Variants in ARHGAP19 observed in about 807,000 individuals in gnomAD.
ARHGAP19 encodes the protein rho GTPase-activating protein 19.
Under a neutral mutation model 60.9 loss-of-function variants are expected in ARHGAP19, and 48 were observed. That is an observed-to-expected ratio of 0.79 (90% CI 0.62 to 1.00). The LOEUF (loss-of-function observed/expected upper bound fraction) is 1.00, where lower values mean the gene tolerates loss of function less well. Ranked by LOEUF, ARHGAP19 falls within the 50% of genes least tolerant of loss-of-function variation. ARHGAP19 has a pLI of 0.00. For synonymous variants in ARHGAP19, 209 were observed against 215.5 expected (o/e 0.97, Z 0.27); for missense variants, 562 against 597.2 (o/e 0.94, Z 0.61).
intron 4 of ARHGAP19, among the ~76,000 whole-genome samples, chr10:97,263,000 C>G (rs191054200): frequency 6.8e-4 from 104 of 152,196 alleles, no homozygotes; most frequent in African/African-American, 2.4e-3. Flanking sequence ...ATAGTCCCAG[C>G]TACTTGGGAG....
At position 97,225,297 on chromosome 10, in the gene ARHGAP19, A is replaced by G. The variant is rs1850875412; in HGVS notation, c.*825T>C. 6.6e-6 allele frequency: 1 copy of G among 152,238 alleles called. No individual in the cohort carries two copies. The highest frequency in any genetic ancestry group is 2.4e-5 in the African/African-American group (1 of 41,464). The allele number at this position is 152,238 out of a possible 1,614,324, so 9.4% of individuals were successfully genotyped here. A position where few individuals can be genotyped will look rare whatever the true frequency, so the allele number is the denominator to read the frequency against. On this transcript the variant is annotated 3_prime_UTR_variant, in exon 12 of 12. Coordinates refer to ENST00000358531, the MANE Select transcript of ARHGAP19 (RefSeq NM_032900.6). Reference sequence around the variant, plus strand: ...TTTTAGTCAAGAGGAAATTGAATGAAGATAACAAGTTCAGCAAAACACAAT... The same window carrying G: ...TTTTAGTCAAGAGGAAATTGAATGAGGATAACAAGTTCAGCAAAACACAAT...
At chr10:97,264,212 G>A (rs1041500110) in intron 3 of ARHGAP19, among the ~76,000 whole-genome samples, 4 of 152,154 alleles carry the variant, frequency 2.6e-5, no homozygotes, top group African/African-American at 9.7e-5. Flanking sequence ...AGCACTTTGG[G>A]AGGCCTAGGC....
intron 1 of ARHGAP19, chr10:97,270,728 C>G: frequency 6.6e-7 from 1 of 1,504,376 alleles, no homozygotes. Context: ...TACGCAAATT[C>G]CAGACATGTT....
rs545378927 is a variant in ARHGAP19 at position 97,226,140 on chromosome 10, G to T, written c.1475-8C>A. ...GGATCCTTCAGAGAAATCCTAGGTT[G>T]AAGGAAAAACAAGAGCGTTAGACAT... On this transcript the variant is annotated splice_region_variant and splice_polypyrimidine_tract_variant and intron_variant, in intron 11 of 11. Transcript: ENST00000358531. 1.8e-5 allele frequency: 29 copies of T among 1,613,584 alleles called. 1 individual carries two copies. The South Asian group carries it at 3.1e-4, about 17-fold the overall frequency.
At chr10:97,273,744 C>T (rs1018399468) in intron 1 of ARHGAP19, among the ~76,000 whole-genome samples, 4 of 152,014 alleles carry the variant, frequency 2.6e-5, no homozygotes, top group African/African-American at 9.7e-5. Flanking sequence ...CCACCTTGGC[C>T]TCTCAAAGTG....
intron 5 of ARHGAP19, among the ~76,000 whole-genome samples, chr10:97,257,070 G>A (rs961578581): frequency 2.6e-5 from 4 of 152,020 alleles, no homozygotes; most frequent in South Asian, 2.1e-4. Flanking sequence ...GCAGTGAGCC[G>A]AGACCGCACC....
intron 4 of ARHGAP19, among the ~76,000 whole-genome samples, chr10:97,261,651 A>G (rs1052159541): frequency 6.6e-6 from 1 of 152,216 alleles, no homozygotes; most frequent in Non-Finnish European, 1.5e-5. Context: ...AAAAAAAACT[A>G]ATCGTATTAG....
Position 97,235,151 on chromosome 10 carries a change from T to C in ARHGAP19, c.1284+66A>G, listed in dbSNP as rs1048522196. 4 of 1,458,176 alleles carry C rather than the reference T, an allele frequency of 2.7e-6. No homozygotes were observed. The African/African-American group carries it at 5.7e-5, about 21-fold the overall frequency. The allele number at this position is 1,458,176 out of a possible 1,614,324, so 90.3% of individuals were successfully genotyped here. A position where few individuals can be genotyped will look rare whatever the true frequency, so the allele number is the denominator to read the frequency against. ...AAAACAGAAGAAAACTTTTTATGCA[T>C]AAGAAAAATCACATTGTTACATTTC... On this transcript the variant is annotated intron_variant, in intron 9 of 11. Transcript: ENST00000358531.
chr10:97,260,805 A>G (rs1383175383), intron 4 of ARHGAP19, among the ~76,000 whole-genome samples: 1 of 151,776 alleles, frequency 6.6e-6, no homozygotes, highest in Non-Finnish European at 1.5e-5. Context: ...AAATAAACAC[A>G]TATCCAAGTC....
chr10:97,265,810 G>T, intron 2 of ARHGAP19, 50 bp downstream of exon 2: 1 of 1,585,142 alleles, frequency 6.3e-7, no homozygotes, highest in Admixed American at 1.8e-5. Context: ...TGAGAGAGAA[G>T]CCCAGGGAGC....
intron 11 of ARHGAP19, among the ~76,000 whole-genome samples, chr10:97,228,145 G>T (rs1850932962): frequency 6.6e-6 from 1 of 152,212 alleles, no homozygotes; most frequent in African/African-American, 2.4e-5. Context: ...TTCATTCAAG[G>T]ATAAGTAAGA....
rs192274743 is a variant in ARHGAP19 at position 97,256,893 on chromosome 10, G to A, written c.841-489C>T. Reference sequence around the variant, plus strand: ...TCCCAGCACTTTGGGAGGCCAAGGCGGGCAGATCACGAGGTCAGGAGATTG... The same window carrying A: ...TCCCAGCACTTTGGGAGGCCAAGGCAGGCAGATCACGAGGTCAGGAGATTG... On this transcript the variant is annotated intron_variant, in intron 5 of 11. Coordinates refer to ENST00000358531, the MANE Select transcript of ARHGAP19 (RefSeq NM_032900.6). Among the ~76,000 whole-genome samples, 1,319 of 152,014 alleles carry A rather than the reference G, an allele frequency of 8.7e-3. 15 individuals carry two copies. Among genetic ancestry groups the A allele is most frequent in the South Asian group, 0.028 (137 of 4,822 alleles).
At chr10:97,278,052 C>T (rs543202963) in intron 1 of ARHGAP19, 4 of 152,944 alleles carry the variant, frequency 2.6e-5, no homozygotes, top group Admixed American at 1.3e-4. Flanking sequence ...CTATAATTTT[C>T]TTTCTTTATA....
At position 97,235,077 on chromosome 10, in the gene ARHGAP19, ACATTT is replaced by A. The variant is rs907052705; in HGVS notation, c.1284+135_1284+139del. ...CACTTTGCAATATAAAAGCTTTTCAACATTTTGTCTTTACCCCCTTATAAACTAGC... is the reference window on the plus strand; with the variant it reads ...CACTTTGCAATATAAAAGCTTTTCAATGTCTTTACCCCCTTATAAACTAGC... On this transcript the variant is annotated intron_variant, in intron 9 of 11. Transcript: ENST00000358531. 9.6e-6 allele frequency: 7 copies of A among 729,558 alleles called. No individual in the cohort carries two copies. In the African/African-American group the frequency reaches 1.2e-4, roughly 13 times the overall value. 45.2% of individuals were successfully genotyped at this position (729,558 alleles called of 1,614,324 possible). A position where few individuals can be genotyped will look rare whatever the true frequency, so the allele number is the denominator to read the frequency against.
intron 9 of ARHGAP19, among the ~76,000 whole-genome samples, chr10:97,231,709 A>C (rs375372513): frequency 7.9e-5 from 12 of 152,368 alleles, no homozygotes; most frequent in Admixed American, 7.2e-4. Context: ...TTCATCAGTC[A>C]ATAGACAGTT....
At chr10:97,232,918 C>T (rs1159136391) in intron 9 of ARHGAP19, among the ~76,000 whole-genome samples, 1 of 152,046 alleles carries the variant, frequency 6.6e-6, no homozygotes, top group Non-Finnish European at 1.5e-5. Flanking sequence ...GAGGCCGAAG[C>T]GGGCAGATTA....
At chr10:97,232,154 A>ATTTTTT (rs1170639718) in intron 9 of ARHGAP19, among the ~76,000 whole-genome samples, 1 of 56,302 alleles carries the variant, frequency 1.8e-5, no homozygotes, top group African/African-American at 8.0e-5. Flanking sequence ...TTTGCTCACT[A>ATTTTTT]TTTTTTTTTT....
intron 5 of ARHGAP19, among the ~76,000 whole-genome samples, chr10:97,256,859 T>C (rs552854569): frequency 4.9e-4 from 74 of 152,052 alleles, no homozygotes; most frequent in Middle Eastern, 3.4e-3. Context: ...TGGTGGCTCA[T>C]GCCTGTAATC....
intron 9 of ARHGAP19, 77 bp downstream of exon 9, chr10:97,235,140 C>CT (rs34620721): frequency 7.1e-7 from 1 of 1,411,260 alleles, no homozygotes. Context: ...CAGAAGAAAA[C>CT]TTTTTATGCA....
Sources: allele counts gnomAD v4.1 joint callset (sites outside exome capture counted in the v4.1 genomes callset), GRCh38; gene constraint gnomAD v4.1.1; transcripts MANE v1.5; gene names NCBI Gene and HGNC (gene_info 2026-07-23, HGNC 2026-07-21).